The following CDADC1 variants were observed in gnomAD, a reference collection of about 807,000 sequenced individuals.
CDADC1 encodes the protein dCTP deaminase.
In CDADC1, 39 loss-of-function variants were observed where a neutral mutation model predicts 54.9. The ratio of observed to expected loss-of-function variants is 0.71; its 90% confidence interval spans 0.55 to 0.93. The LOEUF is 0.93. Ranked by LOEUF, CDADC1 falls within the 40% of genes least tolerant of loss-of-function variation. CDADC1 has a pLI of 0.00. For synonymous variants in CDADC1, 186 were observed against 204.0 expected (o/e 0.91, Z 0.75); for missense variants, 518 against 618.8 (o/e 0.84, Z 1.73).
intron 2 of CDADC1, among the ~76,000 whole-genome samples, chr13:49,253,582 C>T (rs1261087825): frequency 6.6e-6 from 1 of 152,166 alleles, no homozygotes; most frequent in Non-Finnish European, 1.5e-5. Flanking sequence ...TGAAATGTTA[C>T]TAGTATATAC....
chr13:49,255,388 C>T (rs1233885662), intron 2 of CDADC1, among the ~76,000 whole-genome samples: 1 of 152,214 alleles, frequency 6.6e-6, no homozygotes, highest in Non-Finnish European at 1.5e-5. Context: ...TCACAGGCTC[C>T]AGTGACTGGG....
chr13:49,277,089 T>A (rs1953163234), intron 6 of CDADC1, among the ~76,000 whole-genome samples: 1 of 152,202 alleles, frequency 6.6e-6, no homozygotes, highest in African/African-American at 2.4e-5. Flanking sequence ...ATCACTCTTG[T>A]CCTCAGTTTC....
chr13:49,285,706 A>G (rs943594624), intron 8 of CDADC1, among the ~76,000 whole-genome samples: 3 of 152,206 alleles, frequency 2.0e-5, no homozygotes, highest in African/African-American at 7.2e-5. Flanking sequence ...AACTTCTCTA[A>G]GAGTATTGAT....
chr13:49,254,495 C>T (rs555490487), intron 2 of CDADC1, among the ~76,000 whole-genome samples: 26 of 151,598 alleles, frequency 1.7e-4, no homozygotes, highest in Admixed American at 1.4e-3. Context: ...CTCCATCTCC[C>T]GGGTTCAAGC....
At chr13:49,261,732 T>G (rs962897716) in intron 4 of CDADC1, among the ~76,000 whole-genome samples, 1 of 152,196 alleles carries the variant, frequency 6.6e-6, no homozygotes, top group Non-Finnish European at 1.5e-5. Flanking sequence ...TAAAAGATAG[T>G]TGTGCTTTGT....
intron 6 of CDADC1, among the ~76,000 whole-genome samples, chr13:49,275,724 TATAGAG>T (rs1953106780): frequency 6.5e-5 from 1 of 15,466 alleles, no homozygotes; most frequent in Non-Finnish European, 1.2e-4. Context: ...TATATATATA[TATAGAG>T]AGAGAGAGAG....
intron 9 of CDADC1, among the ~76,000 whole-genome samples, chr13:49,288,004 G>C (rs1953572930): frequency 6.6e-6 from 1 of 150,522 alleles, no homozygotes; most frequent in Non-Finnish European, 1.5e-5. Flanking sequence ...ATCACTACAA[G>C]AGTGCAAAGG....
chr13:49,280,475 C>A (rs768520675), intron 7 of CDADC1, 34 bp from the exon 8 acceptor site: 3 of 1,166,542 alleles, frequency 2.6e-6, no homozygotes, highest in African/African-American at 1.6e-5. Flanking sequence ...CTTTCAGAAA[C>A]GACCTTTCTG....
In CDADC1 at chr13:49,290,092, A is replaced by AGT. The variant is rs1325164076; in HGVS notation, c.1472-1591_1472-1590dup. ...ATAAATAAAATATACTTTAATATATAGTATATACAGTAAAGTTATTGTTAA... is the reference window on the plus strand; with the variant it reads ...ATAAATAAAATATACTTTAATATATAGTGTATATACAGTAAAGTTATTGTTAA... On this transcript the variant is annotated intron_variant, in intron 9 of 9. Coordinates refer to ENST00000251108, the MANE Select transcript of CDADC1 (RefSeq NM_030911.4). Among the ~76,000 whole-genome samples, 7 of 151,942 alleles carry AGT rather than the reference A, an allele frequency of 4.6e-5. No homozygotes were observed. The East Asian group carries it at 1.2e-3, about 25-fold the overall frequency.
At chr13:49,280,463 C>G in intron 7 of CDADC1, 46 bp from the exon 8 acceptor site, 1 of 1,002,932 alleles carries the variant, frequency 1.0e-6, no homozygotes. Context: ...AAATAACTTA[C>G]CCTTTCAGAA....
At chr13:49,274,620 G>A (rs1286379652) in intron 6 of CDADC1, among the ~76,000 whole-genome samples, 1 of 152,040 alleles carries the variant, frequency 6.6e-6, no homozygotes, top group Non-Finnish European at 1.5e-5. Context: ...GCTGTGAGCA[G>A]AGATCGTGCC....
At chr13:49,260,675 G>A (rs1593801740) in intron 4 of CDADC1, among the ~76,000 whole-genome samples, 1 of 152,134 alleles carries the variant, frequency 6.6e-6, no homozygotes, top group South Asian at 2.1e-4. Flanking sequence ...GGTATATGCC[G>A]ATCATTCTTT....
In CDADC1 at chr13:49,268,285, T is replaced by C. The variant is rs1448392641; in HGVS notation, c.1000+226T>C. 2.0e-5 allele frequency among the ~76,000 whole-genome samples: 3 copies of C among 152,062 alleles called. No individual in the cohort carries two copies. In the East Asian group the frequency reaches 5.8e-4, roughly 29 times the overall value. ...AGTACCACATTTCTACATCAGGCCCTCATTAATCTAGGCCCTTCTTTCTGC... is the reference window on the plus strand; with the variant it reads ...AGTACCACATTTCTACATCAGGCCCCCATTAATCTAGGCCCTTCTTTCTGC... On this transcript the variant is annotated intron_variant, in intron 5 of 9. Coordinates refer to ENST00000251108, the MANE Select transcript of CDADC1 (RefSeq NM_030911.4).
chr13:49,282,244 T>G (rs1384728694), intron 8 of CDADC1, among the ~76,000 whole-genome samples: 1 of 146,390 alleles, frequency 6.8e-6, no homozygotes, highest in East Asian at 2.0e-4. Flanking sequence ...GGGTTTTTTT[T>G]TTTTTTTTTT....
rs1417555752 is a variant in CDADC1 at position 49,291,862 on chromosome 13, A to C, written c.*105A>C. On this transcript the variant is annotated 3_prime_UTR_variant, in exon 10 of 10. Transcript: ENST00000251108. ...TAAGGATGGATTTTGTGAATAATTG[A>C]AAAGATTTTTTAAGGAAGCTAATTT... 1 of 1,473,662 alleles carries C rather than the reference A, an allele frequency of 6.8e-7. No homozygotes were observed. The highest frequency in any genetic ancestry group is 2.7e-5 in the Admixed American group (1 of 37,250). 91.3% of individuals were successfully genotyped at this position (1,473,662 alleles called of 1,614,324 possible).
chr13:49,254,404 C>CTT (rs11311095), intron 2 of CDADC1, among the ~76,000 whole-genome samples: 7 of 116,230 alleles, frequency 6.0e-5, no homozygotes, highest in Admixed American at 2.6e-4. Context: ...CTATCCCACC[C>CTT]TTTTTTTTTT....
At chr13:49,260,598 A>G (rs192278593) in intron 4 of CDADC1, among the ~76,000 whole-genome samples, 108 of 152,356 alleles carry the variant, frequency 7.1e-4, no homozygotes, top group Admixed American at 4.2e-3. Flanking sequence ...TTTTTAATGT[A>G]TAGCCATCCG....
At chr13:49,250,589 G>A (rs559309784) in intron 2 of CDADC1, among the ~76,000 whole-genome samples, 1 of 152,162 alleles carries the variant, frequency 6.6e-6, no homozygotes, top group Non-Finnish European at 1.5e-5. Context: ...TGGTCCTCAG[G>A]CCAGAAAGTG....
At position 49,259,476 on chromosome 13, in the gene CDADC1, A is replaced by C; in HGVS notation, c.383A>C (p.Tyr128Ser). 1.2e-6 allele frequency: 2 copies of C among 1,613,948 alleles called. No homozygotes were observed. The highest frequency in any genetic ancestry group is 1.7e-6 in the Non-Finnish European group (2 of 1,179,960). The change falls in exon 4 of 10, where the codon TAT becomes TCT. Residue 128 changes from tyrosine (Y) to serine (S), a missense_variant. Tyr to Ser is a moderately radical substitution (Grantham distance 144). Transcript: ENST00000251108. ...TCAAGGCTGAAAAACTGTGATCTTT[A>C]TTTTTCCAGAAAACCATGTTCTGCT... ...HGSRLKNCDL[Y>S]FSRKPCSACL...
Sources: allele counts gnomAD v4.1 joint callset (sites outside exome capture counted in the v4.1 genomes callset), GRCh38; gene constraint gnomAD v4.1.1; transcripts MANE v1.5; gene names NCBI Gene and HGNC (gene_info 2026-07-23, HGNC 2026-07-21).